SULT1C4: variants seen among roughly 807,000 people sequenced by gnomAD.
The protein encoded by SULT1C4 is sulfotransferase 1C4.
In SULT1C4, 32 loss-of-function variants were observed where a neutral mutation model predicts 34.8. That is an observed-to-expected ratio of 0.92 (90% CI 0.69 to 1.23). The LOEUF is 1.23. Among genes scored for constraint, SULT1C4 ranks in the 50% most tolerant of loss-of-function variants. The pLI is 0.00. For missense variants in SULT1C4, 375 were observed against 365.9 expected (o/e 1.02, Z -0.20); for synonymous variants, 111 against 120.5 (o/e 0.92, Z 0.51).
rs1287414258 is a variant in SULT1C4, at chr2:108,383,522, G to A, written c.615+12G>A. On this transcript the variant is annotated intron_variant, in intron 5 of 6. Coordinates refer to ENST00000272452, the MANE Select transcript of SULT1C4 (RefSeq NM_006588.4). ...AGGACATGAAGAAGGTGAGCACAGTGCCATCTAAGGTGTACCCACTGGACC... is the reference window on the plus strand; with the variant it reads ...AGGACATGAAGAAGGTGAGCACAGTACCATCTAAGGTGTACCCACTGGACC... 5 of 1,610,764 alleles carry A rather than the reference G, an allele frequency of 3.1e-6. No individual in the cohort carries two copies. Among genetic ancestry groups the A allele is most frequent in the African/African-American group, 1.3e-5 (1 of 74,828 alleles).
At chr2:108,381,936 AT>A in intron 2 of SULT1C4, 49 bp downstream of exon 2, 1 of 1,418,004 alleles carries the variant, frequency 7.1e-7, no homozygotes, top group Non-Finnish European at 9.2e-7. Flanking sequence ...TGCACTTAGG[AT>A]TTTTACTGTC....
At chr2:108,383,644 T>C in intron 5 of SULT1C4, 134 bp downstream of exon 5, 1 of 692,836 alleles carries the variant, frequency 1.4e-6, no homozygotes, top group Non-Finnish European at 2.3e-6. Flanking sequence ...CAGCTGTCAT[T>C]TGTCAAAGTG....
At chr2:108,384,310 A>G (rs1302287103) in intron 5 of SULT1C4, among the ~76,000 whole-genome samples, 1 of 152,014 alleles carries the variant, frequency 6.6e-6, no homozygotes, top group East Asian at 1.9e-4. Flanking sequence ...GGCTCACTGC[A>G]AGCTCCGCCT....
intron 5 of SULT1C4, among the ~76,000 whole-genome samples, chr2:108,383,807 T>C (rs961694476): frequency 2.0e-5 from 3 of 152,082 alleles, no homozygotes; most frequent in African/African-American, 7.2e-5. Context: ...AAATGCAGTT[T>C]AGCAGGAAAA....
At position 108,388,503 on chromosome 2, in the gene SULT1C4, T is replaced by A. The variant is rs917688664; in HGVS notation, c.*1071T>A. Among the ~76,000 whole-genome samples the A allele has an allele frequency of 3.3e-5, 5 of 152,230 alleles. No individual in the cohort carries two copies. The highest frequency in any genetic ancestry group is 6.5e-5 in the Admixed American group (1 of 15,284). On this transcript the variant is annotated 3_prime_UTR_variant, in exon 7 of 7. Coordinates refer to ENST00000272452, the MANE Select transcript of SULT1C4 (RefSeq NM_006588.4). The stretch of plus-strand genomic sequence containing the variant: ...ACCTTTTACTTCTTGCCTCAACTAG[T>A]GTAATAGCTTCCTAACCCATTTCTC...
At position 108,388,966 on chromosome 2, in the gene SULT1C4, TA is replaced by T. The variant is rs1558704403; in HGVS notation, c.*1537del. Among the ~76,000 whole-genome samples the T allele has an allele frequency of 1.3e-5, 2 of 152,254 alleles. No individual in the cohort carries two copies. Among genetic ancestry groups the T allele is most frequent in the East Asian group, 3.8e-4 (2 of 5,202 alleles). On this transcript the variant is annotated 3_prime_UTR_variant, in exon 7 of 7. Coordinates refer to ENST00000272452, the MANE Select transcript of SULT1C4 (RefSeq NM_006588.4). The stretch of plus-strand genomic sequence containing the variant: ...AGTGTAACTCTTCTGTGATGAAGAT[TA>T]AAGTGTATTATGGCAACTCTCATGT...
rs562272714 is a variant in SULT1C4, at chr2:108,388,267, G to C, written c.*835G>C. ...ATACATCTGTCCCCATCTCTCACTG[G>C]CGTATATATTTAACTGGACTCACTC... On this transcript the variant is annotated 3_prime_UTR_variant, in exon 7 of 7. Coordinates refer to ENST00000272452, the MANE Select transcript of SULT1C4 (RefSeq NM_006588.4). Among the ~76,000 whole-genome samples, 4 of 152,140 alleles carry C rather than the reference G, an allele frequency of 2.6e-5. No homozygotes were observed. The highest frequency in any genetic ancestry group is 2.1e-4 in the South Asian group (1 of 4,812).
At chr2:108,383,578 C>T in intron 5 of SULT1C4, 68 bp downstream of exon 5, 1 of 1,387,124 alleles carries the variant, frequency 7.2e-7, no homozygotes, top group South Asian at 1.4e-5. Flanking sequence ...TGCATTGACC[C>T]CATCAGGGAC....
At chr2:108,384,979 CT>C (rs1678532614) in intron 5 of SULT1C4, among the ~76,000 whole-genome samples, 1 of 152,218 alleles carries the variant, frequency 6.6e-6, no homozygotes, top group Admixed American at 6.5e-5. Context: ...GGTTCAATCA[CT>C]GCTGGGCCTT....
intron 5 of SULT1C4, among the ~76,000 whole-genome samples, chr2:108,385,087 AG>A (rs1174697314): frequency 1.3e-5 from 2 of 152,250 alleles, no homozygotes; most frequent in African/African-American, 4.8e-5. Context: ...TAGGATTCTC[AG>A]AAGCATGATC....
chr2:108,388,902 C>G lies in SULT1C4; in HGVS notation c.*1470C>G, dbSNP rs1678638481. Among the ~76,000 whole-genome samples the G allele has an allele frequency of 6.6e-6, 1 of 152,210 alleles. No homozygotes were observed. The highest frequency in any genetic ancestry group is 2.1e-4 in the South Asian group (1 of 4,824). ...CCCTTCCTCCTACAAACACTACAACCTGGAAAGCACTCTTGCTTTTCTGAA... is the reference window on the plus strand; with the variant it reads ...CCCTTCCTCCTACAAACACTACAACGTGGAAAGCACTCTTGCTTTTCTGAA... On this transcript the variant is annotated 3_prime_UTR_variant, in exon 7 of 7. Transcript: ENST00000272452.
intron 1 of SULT1C4, 59 bp from the exon 2 acceptor site, chr2:108,381,703 T>C (rs1444384312): frequency 7.6e-7 from 1 of 1,318,754 alleles, no homozygotes; most frequent in Non-Finnish European, 9.8e-7. Context: ...TATTTGATCA[T>C]ATTTTAAGGA....
rs1397025057 is a variant in SULT1C4, at chr2:108,387,854, T to C, written c.*422T>C. Reference sequence around the variant, plus strand: ...CTCTGTCGCCCAGGCTGGAGTGCAGTGGCACGATCTCGGCTCACTGCAAGC... The same window carrying C: ...CTCTGTCGCCCAGGCTGGAGTGCAGCGGCACGATCTCGGCTCACTGCAAGC... On this transcript the variant is annotated 3_prime_UTR_variant, in exon 7 of 7. Transcript: ENST00000272452. The C allele has an allele frequency of 6.5e-6, 1 of 154,164 alleles. No individual in the cohort carries two copies. The highest frequency in any genetic ancestry group is 1.9e-4 in the East Asian group (1 of 5,256). The allele number at this position is 154,164 out of a possible 1,614,324, so 9.5% of individuals were successfully genotyped here.
At chr2:108,378,902 G>C (rs760839951) in intron 1 of SULT1C4, among the ~76,000 whole-genome samples, 5 of 152,000 alleles carry the variant, frequency 3.3e-5, no homozygotes, top group Non-Finnish European at 7.4e-5. Context: ...AGAAATAGGG[G>C]AGCTTTGGTT....
At chr2:108,385,051 G>C (rs1011383759) in intron 5 of SULT1C4, among the ~76,000 whole-genome samples, 3 of 152,136 alleles carry the variant, frequency 2.0e-5, no homozygotes, top group African/African-American at 7.2e-5. Flanking sequence ...ATTTTCATGT[G>C]GTTTTTAAAA....
chr2:108,385,734 C>G (rs1450606936), intron 5 of SULT1C4, among the ~76,000 whole-genome samples: 1 of 151,386 alleles, frequency 6.6e-6, no homozygotes, highest in East Asian at 1.9e-4. Context: ...CCTCTTGAGG[C>G]ATGCAAAAAA....
chr2:108,386,472 G>C, intron 6 of SULT1C4, 100 bp downstream of exon 6: 2 of 919,662 alleles, frequency 2.2e-6, no homozygotes, highest in Non-Finnish European at 2.9e-6. Context: ...AATAATATCT[G>C]TAATAAATGA....
chr2:108,379,955 T>A (rs890655424), intron 1 of SULT1C4, among the ~76,000 whole-genome samples: 1 of 152,332 alleles, frequency 6.6e-6, no homozygotes, highest in African/African-American at 2.4e-5. Flanking sequence ...GTTATGGCTA[T>A]AAATTCCCAT....
At chr2:108,378,741 T>TC (rs397821407) in intron 1 of SULT1C4, among the ~76,000 whole-genome samples, 2 of 151,450 alleles carry the variant, frequency 1.3e-5, no homozygotes, top group Admixed American at 1.3e-4. Flanking sequence ...TTTTTTTTTT[T>TC]CACTTTCCCA....
Sources: allele counts gnomAD v4.1 joint callset (sites outside exome capture counted in the v4.1 genomes callset), GRCh38; gene constraint gnomAD v4.1.1; transcripts MANE v1.5; gene names NCBI Gene and HGNC (gene_info 2026-07-23, HGNC 2026-07-21).